The following TECRL variants were observed in gnomAD, a reference collection of about 807,000 sequenced individuals.
The protein encoded by TECRL is trans-2,3-enoyl-CoA reductase like.
TECRL carries 63 observed loss-of-function variants against 52.8 expected under a neutral mutation model. That is an observed-to-expected ratio of 1.19 (90% CI 0.97 to 1.47). TECRL has a LOEUF of 1.47. Ranked by LOEUF, TECRL falls within the 40% of genes most tolerant of loss-of-function variation. The pLI is 0.00. For missense variants in TECRL, 482 were observed against 429.6 expected (o/e 1.12, Z -1.08); for synonymous variants, 164 against 141.9 (o/e 1.16, Z -1.10).
intron 7 of TECRL, among the ~76,000 whole-genome samples, chr4:64,304,189 T>C (rs781560678): frequency 4.3e-4 from 65 of 152,054 alleles, no homozygotes; most frequent in Non-Finnish European, 7.8e-4. Context: ...AATACTTCTA[T>C]GTGCTAACGT....
Position 64,393,674 on chromosome 4 carries a change from T to G in TECRL, c.234+15444A>C, listed in dbSNP as rs192082299. The stretch of plus-strand genomic sequence containing the variant: ...AGTAGTTTTACTATCTTACAGAAAA[T>G]AAATATTAATATAATGAATCTAATA... On this transcript the variant is annotated intron_variant, in intron 1 of 11. Transcript: ENST00000381210. 5.9e-5 allele frequency among the ~76,000 whole-genome samples: 9 copies of G among 151,896 alleles called. No homozygotes were observed. In the East Asian group the frequency reaches 1.7e-3, roughly 29 times the overall value.
At chr4:64,393,817 C>T (rs1008021873) in intron 1 of TECRL, among the ~76,000 whole-genome samples, 5 of 151,762 alleles carry the variant, frequency 3.3e-5, no homozygotes, top group Non-Finnish European at 5.9e-5. Flanking sequence ...GTCCCAGTTA[C>T]GATTACAATA....
At chr4:64,323,284 C>A (rs1156970580) in intron 3 of TECRL, among the ~76,000 whole-genome samples, 4 of 151,816 alleles carry the variant, frequency 2.6e-5, no homozygotes, top group Non-Finnish European at 5.9e-5. Context: ...GTAGTCCCAG[C>A]AATTCAGGAG....
chr4:64,367,814 G>A (rs1721707759), intron 2 of TECRL, among the ~76,000 whole-genome samples: 1 of 152,028 alleles, frequency 6.6e-6, no homozygotes, highest in Admixed American at 6.6e-5. Flanking sequence ...GGTAAAATAT[G>A]ATTCACAAAA....
intron 9 of TECRL, among the ~76,000 whole-genome samples, chr4:64,283,563 G>C (rs892455009): frequency 2.6e-5 from 4 of 151,932 alleles, no homozygotes; most frequent in Non-Finnish European, 4.4e-5. Flanking sequence ...GGACTGAATG[G>C]CTCAACAAAC....
intron 1 of TECRL, among the ~76,000 whole-genome samples, chr4:64,377,722 T>A (rs959580029): frequency 7.2e-5 from 11 of 152,142 alleles, no homozygotes; most frequent in Admixed American, 3.9e-4. Context: ...TTTAAGTTGA[T>A]GAAAACAAAA....
At chr4:64,378,877 G>A (rs1160745236) in intron 1 of TECRL, among the ~76,000 whole-genome samples, 1 of 119,094 alleles carries the variant, frequency 8.4e-6, no homozygotes, top group African/African-American at 3.1e-5. Flanking sequence ...AAATTGAAAT[G>A]TTTTATATTG....
intron 8 of TECRL, among the ~76,000 whole-genome samples, chr4:64,292,925 A>T (rs986774601): frequency 1.3e-5 from 2 of 152,102 alleles, no homozygotes; most frequent in Non-Finnish European, 2.9e-5. Context: ...CTTTAGGATG[A>T]TGTTTGATAA....
At chr4:64,365,022 C>A (rs1721495137) in intron 2 of TECRL, among the ~76,000 whole-genome samples, 1 of 151,944 alleles carries the variant, frequency 6.6e-6, no homozygotes, top group African/African-American at 2.4e-5. Context: ...CAGTAACAAA[C>A]TGAATTCAGC....
At chr4:64,396,837 G>A (rs2086734) in intron 1 of TECRL, among the ~76,000 whole-genome samples, 97,499 of 151,892 alleles carry the variant, frequency 0.64, 32,571 homozygotes, top group Non-Finnish European at 0.74. Context: ...TGTATATGGC[G>A]ACAGGAAGGT....
chr4:64,313,190 A>G (rs946807791), intron 5 of TECRL, among the ~76,000 whole-genome samples: 9 of 152,160 alleles, frequency 5.9e-5, no homozygotes, highest in Non-Finnish European at 8.8e-5. Flanking sequence ...GAGGTAAGAA[A>G]GTTAGGATGA....
At chr4:64,316,560 G>T (rs905711909) in intron 4 of TECRL, among the ~76,000 whole-genome samples, 5 of 151,958 alleles carry the variant, frequency 3.3e-5, no homozygotes, top group Non-Finnish European at 7.4e-5. Flanking sequence ...AGAAAATAAG[G>T]GCTAGATAGA....
chr4:64,293,121 T>C (rs1300037499), intron 8 of TECRL, among the ~76,000 whole-genome samples: 1 of 152,120 alleles, frequency 6.6e-6, no homozygotes, highest in Non-Finnish European at 1.5e-5. Flanking sequence ...TTCTATTATC[T>C]AGAGTTATCG....
intron 1 of TECRL, among the ~76,000 whole-genome samples, chr4:64,404,732 G>T (rs1442704981): frequency 6.6e-6 from 1 of 152,014 alleles, no homozygotes; most frequent in African/African-American, 2.4e-5. Flanking sequence ...AGAATAAGCT[G>T]GGGAGAATTT....
downstream of TECRL, chr4:64,277,006 A>T: frequency 6.7e-7 from 1 of 1,483,324 alleles, no homozygotes; most frequent in Non-Finnish European, 9.0e-7. Context: ...AAGATGGTGT[A>T]AATTTGTCAG....
chr4:64,407,185 A>T (rs1724790517), intron 1 of TECRL, among the ~76,000 whole-genome samples: 1 of 152,026 alleles, frequency 6.6e-6, no homozygotes, highest in Non-Finnish European at 1.5e-5. Flanking sequence ...ATTGTGCAAT[A>T]AAGGATTATG....
intron 1 of TECRL, among the ~76,000 whole-genome samples, chr4:64,382,266 A>ATATTATATATTATACAT (rs1722863279): frequency 1.4e-5 from 2 of 143,722 alleles, no homozygotes; most frequent in African/African-American, 5.2e-5. Context: ...ATATTATGTT[A>ATATTATATATTATACAT]TATATTATAT....
At chr4:64,326,692 C>A (rs1031187122) in intron 3 of TECRL, among the ~76,000 whole-genome samples, 1 of 152,118 alleles carries the variant, frequency 6.6e-6, no homozygotes, top group African/African-American at 2.4e-5. Context: ...CAGCTCACTG[C>A]AGCTGCATGC....
chr4:64,361,199 T>G (rs1158539363), intron 2 of TECRL, among the ~76,000 whole-genome samples: 1 of 152,136 alleles, frequency 6.6e-6, no homozygotes, highest in Non-Finnish European at 1.5e-5. Flanking sequence ...AGAGTGCTTT[T>G]GCAGACAGAC....
Sources: allele counts gnomAD v4.1 joint callset (sites outside exome capture counted in the v4.1 genomes callset), GRCh38; gene constraint gnomAD v4.1.1; transcripts MANE v1.5; gene names NCBI Gene and HGNC (gene_info 2026-07-23, HGNC 2026-07-21).